Variants in PTCHD4 observed in about 807,000 individuals in gnomAD.
The protein encoded by PTCHD4 is patched domain containing 4.
In PTCHD4, 33 loss-of-function variants were observed where a neutral mutation model predicts 58.1. The observed-to-expected ratio is 0.57, with a 90% CI of 0.43 to 0.76. The LOEUF (loss-of-function observed/expected upper bound fraction) is 0.76, where lower values mean the gene tolerates loss of function less well. Ranked by LOEUF, PTCHD4 falls within the 30% of genes least tolerant of loss-of-function variation. The pLI, the probability that PTCHD4 is intolerant of heterozygous loss-of-function variation, is 0.00. For synonymous variants in PTCHD4, 478 were observed against 409.6 expected (o/e 1.17, Z -2.02); for missense variants, 1,058 against 1,027.1 (o/e 1.03, Z -0.41).
intron 4 of PTCHD4, among the ~76,000 whole-genome samples, chr6:47,953,993 A>G (rs146598669): frequency 6.6e-6 from 1 of 152,286 alleles, no homozygotes; most frequent in African/African-American, 2.4e-5. Context: ...TTTTGACATA[A>G]TCTCTTCCAC....
chr6:47,905,084 C>CACACACAT (rs1018092941), intron 4 of PTCHD4, among the ~76,000 whole-genome samples: 4 of 146,908 alleles, frequency 2.7e-5, no homozygotes, highest in East Asian at 2.0e-4. Context: ...CACACACACA[C>CACACACAT]ATAAATGAAT....
rs191150476 is a variant in PTCHD4, at chr6:47,920,744, C to T, written c.899-40808G>A. Among the ~76,000 whole-genome samples, 38 of 152,140 alleles carry T rather than the reference C, an allele frequency of 2.5e-4. 1 individual carries two copies. In the East Asian group the frequency reaches 5.4e-3, roughly 22 times the overall value. On this transcript the variant is annotated intron_variant, in intron 4 of 4. Coordinates refer to ENST00000339488, the MANE Select transcript of PTCHD4 (RefSeq NM_001384253.1). ...AGACATAAGTCTGGACAAACAAGTA[C>T]ACATAGTGTAAAGAATTAGCTTATG...
chr6:48,016,754 C>T (rs1293264397), intron 3 of PTCHD4, among the ~76,000 whole-genome samples: 2 of 150,522 alleles, frequency 1.3e-5, no homozygotes, highest in Non-Finnish European at 2.9e-5. Flanking sequence ...ACTAAACTCT[C>T]AGAGAGAAGA....
intron 4 of PTCHD4, among the ~76,000 whole-genome samples, chr6:48,000,960 AACAG>A (rs1234728572): frequency 6.6e-6 from 1 of 152,178 alleles, no homozygotes; most frequent in Non-Finnish European, 1.5e-5. Flanking sequence ...ATACACCAAC[AACAG>A]ACAAACAGAG....
intron 4 of PTCHD4, among the ~76,000 whole-genome samples, chr6:47,916,389 AC>A (rs1765244283): frequency 6.6e-6 from 1 of 151,704 alleles, no homozygotes; most frequent in Admixed American, 6.6e-5. Context: ...TCAGCAAACC[AC>A]CCCCATCATC....
At chr6:48,071,863 G>T (rs998039055) in intron 1 of PTCHD4, among the ~76,000 whole-genome samples, 11 of 152,166 alleles carry the variant, frequency 7.2e-5, no homozygotes, top group Admixed American at 3.9e-4. Context: ...GTATTGGTCA[G>T]ATATTTGGTG....
intron 4 of PTCHD4, among the ~76,000 whole-genome samples, chr6:47,974,621 T>G (rs1451288152): frequency 6.6e-6 from 1 of 152,198 alleles, no homozygotes; most frequent in African/African-American, 2.4e-5. Flanking sequence ...AAAAATGTTT[T>G]CAGGCATTGC....
Position 48,068,986 on chromosome 6 carries a change from A to G in PTCHD4, c.-29T>C, listed in dbSNP as rs1764909954. Among the ~76,000 whole-genome samples the G allele has an allele frequency of 6.8e-6, 1 of 147,706 alleles. No homozygotes were observed. The highest frequency in any genetic ancestry group is 2.5e-5 in the African/African-American group (1 of 39,832). On this transcript the variant is annotated 5_prime_UTR_variant, in exon 2 of 5. The change abolishes an upstream ATG in the 5' untranslated region. Coordinates refer to ENST00000339488, the MANE Select transcript of PTCHD4 (RefSeq NM_001384253.1). The surrounding 1 kb of genome is among the most constrained non-coding windows in gnomAD (Gnocchi z 4.2). ...CAGCGTTCCCTCGGTCTAGCCCTTC[A>G]TCTCGGTGCTGCAGTCCCCTGGCCT...
At chr6:47,960,033 A>G (rs1767019273) in intron 4 of PTCHD4, among the ~76,000 whole-genome samples, 1 of 152,146 alleles carries the variant, frequency 6.6e-6, no homozygotes, top group Non-Finnish European at 1.5e-5. Context: ...CATATGTAAA[A>G]TATGTGGCAA....
chr6:47,967,533 C>T (rs1409480121), intron 4 of PTCHD4, among the ~76,000 whole-genome samples: 5 of 152,170 alleles, frequency 3.3e-5, no homozygotes, highest in African/African-American at 1.2e-4. Flanking sequence ...ATTGACTTTT[C>T]CTCTTTAGCT....
intron 4 of PTCHD4, among the ~76,000 whole-genome samples, chr6:47,931,730 G>T (rs916090241): frequency 6.6e-6 from 1 of 150,808 alleles, no homozygotes; most frequent in Non-Finnish European, 1.5e-5. Flanking sequence ...TTCTTCCTTC[G>T]GCCTGAAGCT....
At chr6:47,959,356 G>A (rs1196490442) in intron 4 of PTCHD4, among the ~76,000 whole-genome samples, 2 of 152,164 alleles carry the variant, frequency 1.3e-5, no homozygotes, top group Non-Finnish European at 2.9e-5. Context: ...TTGAAGACAT[G>A]TAATGGGAAC....
chr6:47,936,270 CA>C (rs1765996661), intron 4 of PTCHD4, among the ~76,000 whole-genome samples: 1 of 152,046 alleles, frequency 6.6e-6, no homozygotes, highest in Non-Finnish European at 1.5e-5. Flanking sequence ...AAGTTCTATC[CA>C]ATATGATTTG....
Position 47,862,757 on chromosome 6 carries a change from C to T in PTCHD4, c.*15546G>A, listed in dbSNP as rs1486495179. Among the ~76,000 whole-genome samples, 1 of 151,752 alleles carries T rather than the reference C, an allele frequency of 6.6e-6. No individual in the cohort carries two copies. Among genetic ancestry groups the T allele is most frequent in the African/African-American group, 2.4e-5 (1 of 41,374 alleles). The stretch of plus-strand genomic sequence containing the variant: ...TGTTTAGAAAATAAGAACTGATTTC[C>T]ACACAGACCCATTAATACTGTTTCC... On this transcript the variant is annotated 3_prime_UTR_variant, in exon 5 of 5. Transcript: ENST00000339488.
At chr6:47,968,055 C>T (rs993866815) in intron 4 of PTCHD4, among the ~76,000 whole-genome samples, 6 of 152,116 alleles carry the variant, frequency 3.9e-5, no homozygotes, top group Non-Finnish European at 7.4e-5. Flanking sequence ...GCTTACCTCT[C>T]GTTTTGTTTC....
At chr6:48,094,982 A>G (rs1765434065) in intron 1 of PTCHD4, among the ~76,000 whole-genome samples, 1 of 152,208 alleles carries the variant, frequency 6.6e-6, no homozygotes. Context: ...AAAATACTTC[A>G]ATGCAAGCAC....
intron 1 of PTCHD4, among the ~76,000 whole-genome samples, chr6:48,106,542 A>G (rs1176013130): frequency 2.6e-5 from 4 of 152,228 alleles, no homozygotes; most frequent in South Asian, 2.1e-4. Context: ...AAACTGGCAC[A>G]AGACAGGGAT....
intron 4 of PTCHD4, among the ~76,000 whole-genome samples, chr6:47,932,990 A>G (rs1765875309): frequency 6.6e-6 from 1 of 152,248 alleles, no homozygotes. Flanking sequence ...AATATCTAGA[A>G]GAAAGATGAC....
rs1432947916 is a variant in PTCHD4, at chr6:47,859,064, G to C, written c.*19239C>G. ...TGAGGGAAGAAGGAAATGTTCCTGA[G>C]CATCAGATAATATATTTTATTCACG... On this transcript the variant is annotated 3_prime_UTR_variant, in exon 5 of 5. Coordinates refer to ENST00000339488, the MANE Select transcript of PTCHD4 (RefSeq NM_001384253.1). Among the ~76,000 whole-genome samples, 2 of 152,020 alleles carry C rather than the reference G, an allele frequency of 1.3e-5. No individual in the cohort carries two copies. Among genetic ancestry groups the C allele is most frequent in the Admixed American group, 1.3e-4 (2 of 15,238 alleles).
Sources: allele counts gnomAD v4.1 joint callset (sites outside exome capture counted in the v4.1 genomes callset), GRCh38; gene constraint gnomAD v4.1.1; non-coding constraint Gnocchi (gnomAD v3.1); transcripts MANE v1.5; gene names NCBI Gene and HGNC (gene_info 2026-07-23, HGNC 2026-07-21).